The following TBATA variants were observed in gnomAD, a reference collection of about 807,000 sequenced individuals.
The protein encoded by TBATA is thymus, brain and testes associated.
A neutral mutation model predicts 38.7 loss-of-function variants in TBATA; 47 were observed. That is an observed-to-expected ratio of 1.21 (90% CI 0.96 to 1.55). TBATA has a LOEUF of 1.55. Ranked by LOEUF, TBATA falls within the 40% of genes most tolerant of loss-of-function variation. TBATA has a pLI of 0.00. For missense variants in TBATA, 436 were observed against 435.6 expected (o/e 1.00, Z -0.01); for synonymous variants, 183 against 170.5 (o/e 1.07, Z -0.57).
chr10:70,776,467 C>T (rs565731730), intron 7 of TBATA: 13 of 451,750 alleles, frequency 2.9e-5, no homozygotes, highest in Non-Finnish European at 5.4e-5. Flanking sequence ...CTTGGCAGGG[C>T]CTCGGCCTCC....
intron 5 of TBATA, 148 bp downstream of exon 5, chr10:70,779,445 G>A (rs949783143): frequency 3.1e-6 from 3 of 954,184 alleles, no homozygotes; most frequent in Middle Eastern, 3.5e-4. Flanking sequence ...GGCTGTCCAA[G>A]GAAATGGGAG....
intron 2 of TBATA, among the ~76,000 whole-genome samples, 195 bp downstream of exon 2, chr10:70,784,452 G>T (rs1336988266): frequency 6.6e-6 from 1 of 152,196 alleles, no homozygotes; most frequent in Non-Finnish European, 1.5e-5. Flanking sequence ...TGCTAGGGAT[G>T]GGGTTGGGAC....
At chr10:70,774,455 T>G (rs1589376471) in intron 8 of TBATA, 98 bp from the exon 9 acceptor site, 1 of 1,253,132 alleles carries the variant, frequency 8.0e-7, no homozygotes, top group East Asian at 2.5e-5. Context: ...GGCAGCTTTC[T>G]CTAAGCATCC....
Position 70,780,202 on chromosome 10 carries a change from ACTT to A in TBATA, c.278-463_278-461del, listed in dbSNP as rs772316854. Among the ~76,000 whole-genome samples the A allele has an allele frequency of 2.6e-4, 40 of 152,168 alleles. 1 individual carries two copies. The highest frequency in any genetic ancestry group is 1.7e-3 in the East Asian group (9 of 5,170). ...GATTGAGCCACACCCTCTGCAGAAA[ACTT>A]CTGCTTTGGTCAGCCTGTGCAAGGC... On this transcript the variant is annotated intron_variant, in intron 4 of 10. Transcript: ENST00000456372.
In TBATA at chr10:70,783,520, C is replaced by G; in HGVS notation, c.-141G>C. On this transcript the variant is annotated 5_prime_UTR_variant, in exon 3 of 11. Transcript: ENST00000456372. Reference sequence around the variant, plus strand: ...CTGGTGGTGGAAGTGTAAACGGGAACAGGCACTTTAGGGGGAGAAATGGTA... The same window carrying G: ...CTGGTGGTGGAAGTGTAAACGGGAAGAGGCACTTTAGGGGGAGAAATGGTA... 1.1e-6 allele frequency: 1 copy of G among 929,482 alleles called. No homozygotes were observed. The highest frequency in any genetic ancestry group is 2.5e-5 in the East Asian group (1 of 39,290). 57.6% of individuals were successfully genotyped at this position (929,482 alleles called of 1,614,324 possible).
rs182917768 is a variant in TBATA, at chr10:70,780,121, G to A, written c.278-379C>T. 2.1e-4 allele frequency among the ~76,000 whole-genome samples: 32 copies of A among 152,256 alleles called. 1 individual carries two copies. In the Middle Eastern group the frequency reaches 0.014, roughly 65 times the overall value. On this transcript the variant is annotated intron_variant, in intron 4 of 10. Transcript: ENST00000456372. Reference sequence around the variant, plus strand: ...TTAAAGATGAGAATGCTGGGGCGAGGGCATTATGTCACAGTTCATGATGGG... The same window carrying A: ...TTAAAGATGAGAATGCTGGGGCGAGAGCATTATGTCACAGTTCATGATGGG...
chr10:70,783,453 T>C lies in TBATA; in HGVS notation c.-74A>G. The C allele has an allele frequency of 1.3e-6, 2 of 1,541,224 alleles. No individual in the cohort carries two copies. Among genetic ancestry groups the C allele is most frequent in the East Asian group, 2.2e-5 (1 of 44,510 alleles). ...GAGGATGCAGAACAGGAACTCTCAC[T>C]TAATACTAGTGTTGAGGATGCAGAA... is the stretch of plus-strand genomic sequence containing the variant. On this transcript the variant is annotated 5_prime_UTR_variant, in exon 3 of 11. Transcript: ENST00000456372.
intron 5 of TBATA, 26 bp downstream of exon 5, chr10:70,779,567 G>A: frequency 6.8e-7 from 1 of 1,461,910 alleles, no homozygotes; most frequent in Admixed American, 2.8e-5. Flanking sequence ...CCCCAGGGTA[G>A]AGGGAGGCAT....
At chr10:70,779,116 CT>C (rs1564589482) in intron 5 of TBATA, among the ~76,000 whole-genome samples, 2 of 152,216 alleles carry the variant, frequency 1.3e-5, no homozygotes, top group African/African-American at 4.8e-5. Flanking sequence ...GCCCCAGCCC[CT>C]TCTCCAGGAT....
Position 70,777,263 on chromosome 10 carries a change from C to G in TBATA, c.583G>C (p.Ala195Pro). The change falls in exon 7 of 11, where the codon GCT (alanine) becomes CCT (proline). Residue 195 changes from alanine to proline, a missense_variant. Transcript: ENST00000456372. Reference protein sequence around the residue: ...YSAETGRLIPASTRAVGRRRS... With the variant: ...YSAETGRLIPPSTRAVGRRRS... The stretch of plus-strand genomic sequence containing the variant: ...CGGCGGCCGACAGCCCGGGTGGAAG[C>G]GGGGATGAGCCTCCCAGTCTCTGCT... 6.2e-7 allele frequency: 1 copy of G among 1,613,666 alleles called. No individual in the cohort carries two copies. Among genetic ancestry groups the G allele is most frequent in the South Asian group, 1.1e-5 (1 of 91,072 alleles).
chr10:70,783,328 T>C lies in TBATA; in HGVS notation c.41+11A>G. ...CTCCTCAGTCAGCAGGGTGGGCATTTGGAGCCTCACCTCATCAGTGGATAA... is the reference window on the plus strand; with the variant it reads ...CTCCTCAGTCAGCAGGGTGGGCATTCGGAGCCTCACCTCATCAGTGGATAA... On this transcript the variant is annotated intron_variant, in intron 3 of 10. Transcript: ENST00000456372. The C allele has an allele frequency of 1.2e-6, 2 of 1,614,176 alleles. No individual in the cohort carries two copies. Among genetic ancestry groups the C allele is most frequent in the Non-Finnish European group, 1.7e-6 (2 of 1,179,996 alleles).
chr10:70,774,306 G>T lies in TBATA; in HGVS notation c.827C>A (p.Pro276His). Residue 276 changes from proline (P) to histidine (H), a missense_variant, in exon 9 of 11, where the codon CCC becomes CAC. Transcript: ENST00000456372. Reference sequence around the variant, plus strand: ...TGTAGGGATGGAGACTAGGGGCTGGGGAAGGAGCTGAGCCACTGCTGTCTG... The same window carrying T: ...TGTAGGGATGGAGACTAGGGGCTGGTGAAGGAGCTGAGCCACTGCTGTCTG... ...LLQTAVAQLL[P>H]QPLVSIPTEK... 4 of 1,608,010 alleles carry T rather than the reference G, an allele frequency of 2.5e-6. No individual in the cohort carries two copies. The highest frequency in any genetic ancestry group is 3.4e-6 in the Non-Finnish European group (4 of 1,177,944).
intron 8 of TBATA, among the ~76,000 whole-genome samples, chr10:70,774,870 C>T (rs1272772767): frequency 2.0e-5 from 3 of 152,156 alleles, no homozygotes; most frequent in East Asian, 3.9e-4. Flanking sequence ...CCCAATGCAA[C>T]GTGTGAGGGG....
At chr10:70,773,490 C>T (rs2132818070) in intron 9 of TBATA, among the ~76,000 whole-genome samples, 1 of 151,834 alleles carries the variant, frequency 6.6e-6, no homozygotes, top group Non-Finnish European at 1.5e-5. Flanking sequence ...CCCCGGCCTG[C>T]TATGTTAGAA....
intron 3 of TBATA, chr10:70,782,639 G>T: frequency 1.0e-6 from 1 of 985,468 alleles, no homozygotes; most frequent in Non-Finnish European, 1.2e-6. Flanking sequence ...CTGTGGCGCT[G>T]AGGGAAGCTT....
rs1842916097 is a variant in TBATA at position 70,772,715 on chromosome 10, G to T, written c.921-149C>A. The T allele has an allele frequency of 3.6e-6, 3 of 830,566 alleles. No homozygotes were observed. In the East Asian group the frequency reaches 7.4e-5, roughly 20 times the overall value. The allele number at this position is 830,566 out of a possible 1,614,324, so 51.4% of individuals were successfully genotyped here. A position where few individuals can be genotyped will look rare whatever the true frequency, so the allele number is the denominator to read the frequency against. On this transcript the variant is annotated intron_variant, in intron 9 of 10. Transcript: ENST00000456372. ...AGGCAAGAGTCACCCCTCCTGGAGGGCCAGAAAACATCTGTCCATGACTAG... is the reference window on the plus strand; with the variant it reads ...AGGCAAGAGTCACCCCTCCTGGAGGTCCAGAAAACATCTGTCCATGACTAG...
At chr10:70,776,376 T>C (rs1198866497) in intron 7 of TBATA, 1 of 456,264 alleles carries the variant, frequency 2.2e-6, no homozygotes, top group Non-Finnish European at 4.4e-6. Context: ...CCAGGTGAGG[T>C]GAGGCCGCCC....
intron 10 of TBATA, chr10:70,772,075 G>A: frequency 2.7e-6 from 1 of 373,654 alleles, no homozygotes; most frequent in Non-Finnish European, 5.4e-6. Flanking sequence ...ACACCAAGAG[G>A]TGGGAGCTTT....
intron 9 of TBATA, 160 bp downstream of exon 9, chr10:70,774,053 G>T: frequency 1.9e-6 from 1 of 526,640 alleles, no homozygotes; most frequent in Non-Finnish European, 2.4e-6. Flanking sequence ...GGCTTGGGTA[G>T]CACTAGAAGG....
Sources: gnomAD v4.1 joint callset for allele counts (sites outside exome capture counted in the v4.1 genomes callset) on GRCh38, gnomAD v4.1.1 for gene constraint, MANE v1.5 for transcripts, NCBI Gene and HGNC (gene_info 2026-07-23, HGNC 2026-07-21) for gene names.